Variants in UNC45A observed in about 807,000 individuals in gnomAD.
The protein encoded by UNC45A is unc-45 myosin chaperone A.
A neutral mutation model predicts 103.2 loss-of-function variants in UNC45A; 78 were observed. The ratio of observed to expected loss-of-function variants is 0.76; its 90% confidence interval spans 0.63 to 0.91. The LOEUF (loss-of-function observed/expected upper bound fraction) is 0.91, where lower values mean the gene tolerates loss of function less well. UNC45A is among the 40% of genes least tolerant of loss of function. UNC45A has a pLI of 0.00. For missense variants in UNC45A, 1,193 were observed against 1,224.8 expected (o/e 0.97, Z 0.39); for synonymous variants, 495 against 504.6 (o/e 0.98, Z 0.25).
upstream of UNC45A, chr15:90,931,822 C>G (rs2035805056): frequency 1.2e-6 from 2 of 1,614,162 alleles, no homozygotes; most frequent in Non-Finnish European, 1.7e-6. Context: ...TTCTCTCCAG[C>G]TTGGGCAGAG....
upstream of UNC45A, chr15:90,932,578 G>A (rs545737069): frequency 1.7e-6 from 2 of 1,191,032 alleles, no homozygotes; most frequent in Non-Finnish European, 2.1e-6. Flanking sequence ...CGCAGGGGCA[G>A]GGACGGAACG....
chr15:90,945,055 C>T lies in UNC45A; in HGVS notation c.1191C>T (p.Asn397=). The T allele has an allele frequency of 6.2e-7, 1 of 1,612,654 alleles. No individual in the cohort carries two copies. Residue 397 remains asparagine, a synonymous_variant, in exon 9 of 20, where the codon AAC becomes AAT. Transcript: ENST00000418476. ...AGAATTTCCACAGACTTTGTGAAAA[C>T]TACATCAAGTAAGGAAGTCTGTTTC... is the stretch of plus-strand genomic sequence containing the variant. ...ERENFHRLCE[N]YIKSWFEGQG...
chr15:90,943,053 A>T lies in UNC45A; in HGVS notation c.998A>T (p.Asn333Ile). ...VPRKSLKDPN[N>I]SLTLWVIDQG... is the part of the protein sequence containing the mutation. Reference sequence around the variant, plus strand: ...CGGAAGTCTCTCAAGGACCCCAACAACAGCCTCACCCTCTGGGTCATCGAC... The same window carrying T: ...CGGAAGTCTCTCAAGGACCCCAACATCAGCCTCACCCTCTGGGTCATCGAC... Residue 333 changes from asparagine to isoleucine, a missense_variant, in exon 8 of 20, where the codon AAC (asparagine) becomes ATC (isoleucine). Coordinates refer to ENST00000418476, the MANE Select transcript of UNC45A (RefSeq NM_018671.5). The T allele has an allele frequency of 6.2e-7, 1 of 1,614,006 alleles. No homozygotes were observed. Among genetic ancestry groups the T allele is most frequent in the Non-Finnish European group, 8.5e-7 (1 of 1,179,910 alleles).
At chr15:90,936,191 C>G in intron 3 of UNC45A, 94 bp from the exon 4 acceptor site, 2 of 1,536,444 alleles carry the variant, frequency 1.3e-6, no homozygotes, top group Non-Finnish European at 1.7e-6. Context: ...GTCCCCCCCA[C>G]CTTCTTCTGG....
At chr15:90,946,253 CAAAAAAA>C (rs60118193) in intron 9 of UNC45A, among the ~76,000 whole-genome samples, 1 of 104,684 alleles carries the variant, frequency 9.6e-6, no homozygotes, top group African/African-American at 3.4e-5. Context: ...GACTCTGTCT[CAAAAAAA>C]AAAAAAAAAA....
chr15:90,937,103 T>TTGGAGGCCAAGATGGGATGATCAC (rs2036060719), intron 4 of UNC45A, among the ~76,000 whole-genome samples: 1 of 152,202 alleles, frequency 6.6e-6, no homozygotes, highest in Non-Finnish European at 1.5e-5. Context: ...CCCAGTGCTT[T>TTGGAGGCCAAGATGGGATGATCAC]TGGAGGCCAA....
intron 6 of UNC45A, 56 bp downstream of exon 6, chr15:90,940,529 C>G: frequency 6.4e-7 from 1 of 1,558,160 alleles, no homozygotes; most frequent in Non-Finnish European, 8.7e-7. Context: ...GTCTGTCCAT[C>G]CATTCCTCCA....
Position 90,948,752 on chromosome 15 carries a change from G to C in UNC45A, c.1836G>C (p.Leu612=), listed in dbSNP as rs770077776. The C allele has an allele frequency of 1.1e-5, 18 of 1,613,114 alleles. No individual in the cohort carries two copies. Among genetic ancestry groups the C allele is most frequent in the Non-Finnish European group, 1.2e-5 (14 of 1,179,798 alleles). ...YEEPDPKMVE[L]AKYAKQHVPE... Reference sequence around the variant, plus strand: ...AGCCCGACCCCAAGATGGTGGAGCTGGCCAAGTATGCCAAGCAGCATGTGC... The same window carrying C: ...AGCCCGACCCCAAGATGGTGGAGCTCGCCAAGTATGCCAAGCAGCATGTGC... The change falls in exon 13 of 20, where the codon CTG becomes CTC. Residue 612 remains leucine (L), a synonymous_variant. Transcript: ENST00000418476.
chr15:90,939,894 C>A, intron 5 of UNC45A, 71 bp downstream of exon 5: 1 of 1,351,662 alleles, frequency 7.4e-7, no homozygotes. Context: ...CCCGAAGCCA[C>A]TGCTGCCTTG....
rs764325904 is a variant in UNC45A, at chr15:90,950,494, T to C, written c.2188-6T>C. The C allele has an allele frequency of 1.3e-5, 21 of 1,613,682 alleles. No individual in the cohort carries two copies. The highest frequency in any genetic ancestry group is 4.0e-5 in the African/African-American group (3 of 74,912). ...GTACCCCTGACAGGTGGGGTGCACATTGCAGATCTATGAGGTGGTCCGGCC... is the reference window on the plus strand; with the variant it reads ...GTACCCCTGACAGGTGGGGTGCACACTGCAGATCTATGAGGTGGTCCGGCC... On this transcript the variant is annotated splice_polypyrimidine_tract_variant and splice_region_variant and intron_variant, in intron 16 of 19. Transcript: ENST00000418476.
At chr15:90,943,476 C>T (rs1452436268) in intron 8 of UNC45A, among the ~76,000 whole-genome samples, 2 of 151,372 alleles carry the variant, frequency 1.3e-5, no homozygotes, top group East Asian at 1.9e-4. Context: ...TCTCCAGCCA[C>T]GTGTCTGCAC....
At chr15:90,943,234 C>G in intron 8 of UNC45A, 152 bp downstream of exon 8, 3 of 981,592 alleles carry the variant, frequency 3.1e-6, no homozygotes, top group Non-Finnish European at 4.3e-6. Context: ...TGAGATCAGC[C>G]TGGGCAACAT....
intron 1 of UNC45A, chr15:90,930,261 G>T (rs1037706296): frequency 1.3e-5 from 2 of 152,228 alleles, no homozygotes; most frequent in African/African-American, 4.8e-5. Context: ...TTGAGGTACT[G>T]GGGAACCGGA....
chr15:90,941,387 C>A (rs1055403606), intron 6 of UNC45A, among the ~76,000 whole-genome samples: 2 of 152,146 alleles, frequency 1.3e-5, no homozygotes, highest in African/African-American at 4.8e-5. Flanking sequence ...GAGAGGGGAC[C>A]AAAGACTAGG....
rs778583180 is a variant in UNC45A, at chr15:90,953,739, G to T, written c.*23G>T. 1 of 1,609,170 alleles carries T rather than the reference G, an allele frequency of 6.2e-7. No individual in the cohort carries two copies. The highest frequency in any genetic ancestry group is 1.7e-5 in the Admixed American group (1 of 59,376). On this transcript the variant is annotated 3_prime_UTR_variant, in exon 20 of 20. Transcript: ENST00000418476. ...TGAGGGGGTTGTCCCTGGGCCCAAGGCTCATGCACACGCTACCTATTGTGG... is the reference window on the plus strand; with the variant it reads ...TGAGGGGGTTGTCCCTGGGCCCAAGTCTCATGCACACGCTACCTATTGTGG...
At chr15:90,940,553 C>G (rs969093376) in intron 6 of UNC45A, 80 bp downstream of exon 6, 3 of 1,505,236 alleles carry the variant, frequency 2.0e-6, no homozygotes, top group Admixed American at 4.0e-5. Context: ...ACCCATCTGT[C>G]CATCCGCCCA....
intron 13 of UNC45A, 95 bp downstream of exon 13, chr15:90,948,889 T>C (rs1414339213): frequency 2.1e-6 from 3 of 1,406,186 alleles, no homozygotes; most frequent in Non-Finnish European, 2.8e-6. Flanking sequence ...TTTTTTTTTT[T>C]TTTTTTTGAG....
intron 10 of UNC45A, chr15:90,947,583 G>C: frequency 1.7e-6 from 1 of 583,976 alleles, no homozygotes; most frequent in Non-Finnish European, 3.1e-6. Flanking sequence ...GCGCATCAGT[G>C]TCTGCAGATG....
At chr15:90,935,727 C>T (rs1472214745) in intron 2 of UNC45A, 22 bp downstream of exon 2, 3 of 1,539,388 alleles carry the variant, frequency 1.9e-6, no homozygotes, top group East Asian at 4.5e-5. Context: ...TGGCGCTCTT[C>T]CCCTCGCCCG....
Sources: allele counts gnomAD v4.1 joint callset (sites outside exome capture counted in the v4.1 genomes callset), GRCh38; gene constraint gnomAD v4.1.1; transcripts MANE v1.5; gene names NCBI Gene and HGNC (gene_info 2026-07-23, HGNC 2026-07-21).